The following MYLK3 variants were observed in gnomAD, a reference collection of about 807,000 sequenced individuals.
The protein encoded by MYLK3 is myosin light chain kinase 3.
A neutral mutation model predicts 76.3 loss-of-function variants in MYLK3; 55 were observed. The observed-to-expected ratio is 0.72, with a 90% CI of 0.58 to 0.90. MYLK3 has a LOEUF of 0.90. Among genes scored for constraint, MYLK3 ranks in the 40% least tolerant of loss-of-function variants. The pLI is 0.00. For missense variants in MYLK3, 973 were observed against 1,053.6 expected, an observed-to-expected ratio of 0.92 and a Z score of 1.06; for synonymous variants, 416 against 425.4, an observed-to-expected ratio of 0.98 and a Z score of 0.27.
At chr16:46,721,087 G>A in intron 9 of MYLK3, 36 bp downstream of exon 9, 1 of 1,585,362 alleles carries the variant, frequency 6.3e-7, no homozygotes, top group Non-Finnish European at 8.7e-7. Flanking sequence ...GAGTCCCAAG[G>A]AATTTTGTTA....
chr16:46,733,314 C>T (rs1240490242), intron 3 of MYLK3, among the ~76,000 whole-genome samples: 1 of 152,162 alleles, frequency 6.6e-6, no homozygotes, highest in Non-Finnish European at 1.5e-5. Flanking sequence ...ATGATCATAC[C>T]ACTGCACTCC....
chr16:46,750,974 C>G (rs1967117020), upstream of MYLK3, among the ~76,000 whole-genome samples: 1 of 152,122 alleles, frequency 6.6e-6, no homozygotes, highest in African/African-American at 2.4e-5. Flanking sequence ...GCCTGGGCAA[C>G]AAGAGTGAAA....
At chr16:46,729,316 T>A (rs1966847990) in intron 6 of MYLK3, among the ~76,000 whole-genome samples, 183 bp from the exon 7 acceptor site, 1 of 152,004 alleles carries the variant, frequency 6.6e-6, no homozygotes, top group Non-Finnish European at 1.5e-5. Flanking sequence ...TGTGACCCAC[T>A]CATCTCACAG....
Position 46,709,566 on chromosome 16 carries a change from C to A in MYLK3, c.2373G>T (p.Gln791His). The A allele has an allele frequency of 6.2e-7, 1 of 1,613,934 alleles. No individual in the cohort carries two copies. Among genetic ancestry groups the A allele is most frequent in the Non-Finnish European group, 8.5e-7 (1 of 1,180,004 alleles). Residue 791 changes from glutamine (Q) to histidine (H), a missense_variant, in exon 12 of 13, where the codon CAG becomes CAT. This residue lies in a region of MYLK3 where 332 missense variants were observed against 416.6 expected (regional missense o/e 0.80). Coordinates refer to ENST00000394809, the MANE Select transcript of MYLK3 (RefSeq NM_182493.3). ...TCCATTTTCTTTGAGCTATGTATTT[C>A]TGCAGCAGTAGTTGGGATTTGAGAC... Reference protein sequence around the residue: ...KTRLKSQLLLQKYIAQRKWKK... With the variant: ...KTRLKSQLLLHKYIAQRKWKK...
intron 1 of MYLK3, among the ~76,000 whole-genome samples, chr16:46,740,459 C>T (rs1266208800): frequency 6.6e-6 from 1 of 150,698 alleles, no homozygotes; most frequent in Non-Finnish European, 1.5e-5. Flanking sequence ...TCAAAATAGG[C>T]TGGACCCCAA....
At position 46,732,367 on chromosome 16, in the gene MYLK3, C is replaced by G. The variant is rs144566580; in HGVS notation, c.1303G>C (p.Asp435His). The change falls in exon 4 of 13, where the codon GAC becomes CAC. Residue 435 changes from aspartate (D) to histidine (H), a missense_variant. Asp to His is a moderately conservative substitution (Grantham distance 81). Around this residue, in one of 2 missense-constraint regions of MYLK3, gnomAD observed 641 missense variants for 637.0 expected, o/e 1.01. Transcript: ENST00000394809. Reference protein sequence around the residue: ...GTRPSLARSDDNDHEVGALGL... With the variant: ...GTRPSLARSDHNDHEVGALGL... ...AGGGCCCCAACCTCGTGGTCATTGT[C>G]GTCACTCCTGGCCAAGCTTGGTCTC... The G allele has an allele frequency of 5.3e-4, 852 of 1,613,620 alleles. 19 individuals are homozygous for G. The East Asian group carries it at 0.018, about 33-fold the overall frequency.
chr16:46,728,998 G>A (rs1453291615), intron 7 of MYLK3, 26 bp downstream of exon 7: 1 of 1,578,124 alleles, frequency 6.3e-7, no homozygotes, highest in Non-Finnish European at 8.7e-7. Flanking sequence ...TTGAGCCGAG[G>A]CGGCCGCCCC....
rs1359911648 is a variant in MYLK3 at position 46,743,392 on chromosome 16, G to A, written c.478-3245C>T. On this transcript the variant is annotated intron_variant, in intron 1 of 12. Transcript: ENST00000394809. Reference sequence around the variant, plus strand: ...TCCATAATGCACGGCGTTCAGCACTGACGATGTGTTTAGCAGCTGTGGCTG... The same window carrying A: ...TCCATAATGCACGGCGTTCAGCACTAACGATGTGTTTAGCAGCTGTGGCTG... Among the ~76,000 whole-genome samples the A allele has an allele frequency of 3.3e-5, 5 of 152,198 alleles. 1 individual carries two copies. Among genetic ancestry groups the A allele is most frequent in the African/African-American group, 1.2e-4 (5 of 41,448 alleles).
At chr16:46,725,573 T>C (rs1490142886) in intron 8 of MYLK3, among the ~76,000 whole-genome samples, 1 of 152,266 alleles carries the variant, frequency 6.6e-6, no homozygotes, top group African/African-American at 2.4e-5. Flanking sequence ...GCCCATTACG[T>C]TGGTTGATTT....
At chr16:46,755,509 T>C (rs1288565656) in intron 1 of MYLK3, among the ~76,000 whole-genome samples, 1 of 150,298 alleles carries the variant, frequency 6.7e-6, no homozygotes, top group Non-Finnish European at 1.5e-5. Flanking sequence ...AGGCCCAAAG[T>C]TGAAGCAAGA....
intron 8 of MYLK3, among the ~76,000 whole-genome samples, chr16:46,723,806 C>T (rs1966823189): frequency 6.6e-6 from 1 of 152,094 alleles, no homozygotes; most frequent in African/African-American, 2.4e-5. Context: ...TGTGCCACGA[C>T]ACCCAGATAA....
Position 46,760,538 on chromosome 16 carries a change from A to G in MYLK3, c.-114+2502T>C, listed in dbSNP as rs377060671. On this transcript the variant is annotated intron_variant, in intron 1 of 11. Transcript: ENST00000536476. ...AGGTTAACACATAGGAACAACAGAG[A>G]AAGTGGGACAGTCGCTAACTGCAAG... Among the ~76,000 whole-genome samples, 974 of 152,322 alleles carry G rather than the reference A, an allele frequency of 6.4e-3. 92 individuals carry two copies. The South Asian group carries it at 0.17, about 26-fold the overall frequency.
intron 1 of MYLK3, among the ~76,000 whole-genome samples, chr16:46,761,189 G>T (rs1397362842): frequency 6.6e-6 from 1 of 152,216 alleles, no homozygotes; most frequent in African/African-American, 2.4e-5. Flanking sequence ...GCAAAGCTCA[G>T]GTGGAGCCTG....
At chr16:46,730,487 C>CGA in intron 5 of MYLK3, 106 bp downstream of exon 5, 1 of 900,726 alleles carries the variant, frequency 1.1e-6, no homozygotes, top group Non-Finnish European at 1.8e-6. Context: ...TCCATCAGCT[C>CGA]GAGAGAGAGT....
In MYLK3 at chr16:46,729,605, C is replaced by A; in HGVS notation, c.1651G>T (p.Ala551Ser). 1 of 1,613,594 alleles carries A rather than the reference C, an allele frequency of 6.2e-7. No individual in the cohort carries two copies. Among genetic ancestry groups the A allele is most frequent in the South Asian group, 1.1e-5 (1 of 91,074 alleles). The change falls in exon 6 of 13, where the codon GCC becomes TCC. Residue 551 changes from alanine to serine, a missense_variant. Around this residue, in one of 2 missense-constraint regions of MYLK3, gnomAD observed 332 missense variants for 416.6 expected, o/e 0.80. Coordinates refer to ENST00000394809, the MANE Select transcript of MYLK3 (RefSeq NM_182493.3). Reference sequence around the variant, plus strand: ...GCCAGATGCCTCACCCGGTCCTTGGCGCTCTTCACTTTGATGATCTTGGCA... The same window carrying A: ...GCCAGATGCCTCACCCGGTCCTTGGAGCTCTTCACTTTGATGATCTTGGCA... The part of the protein sequence containing the change: ...LAAKIIKVKS[A>S]KDREDVKNEI...
chr16:46,748,169 G>T lies in MYLK3; in HGVS notation c.25C>A (p.Leu9Met), dbSNP rs1007600013. 1.2e-6 allele frequency: 2 copies of T among 1,613,776 alleles called. No individual in the cohort carries two copies. Among genetic ancestry groups the T allele is most frequent in the Non-Finnish European group, 1.7e-6 (2 of 1,179,826 alleles). The change falls in exon 1 of 13, where the codon CTG becomes ATG. Residue 9 changes from leucine to methionine, a missense_variant. By Grantham distance (15) the Leu-to-Met change is conservative. Transcript: ENST00000394809. This position sits in a 1 kb window ranked among gnomAD's most constrained non-coding sequence, Gnocchi z 4.3. MSGTSKES[L>M]GHGGLPGLGK... ...AACCCTGGCAGCCCCCCATGCCCCAGACTCTCCTTGGAGGTTCCTGACATG... is the reference window on the plus strand; with the variant it reads ...AACCCTGGCAGCCCCCCATGCCCCATACTCTCCTTGGAGGTTCCTGACATG...
chr16:46,707,797 AGCAT>A (rs1966641765), intron 12 of MYLK3, 34 bp from the exon 13 acceptor site: 1 of 1,545,188 alleles, frequency 6.5e-7, no homozygotes, highest in Non-Finnish European at 8.9e-7. Flanking sequence ...GAAAAGAAAA[AGCAT>A]GTATTTTAGA....
intron 8 of MYLK3, among the ~76,000 whole-genome samples, chr16:46,722,571 TATA>T (rs1186806090): frequency 1.3e-5 from 2 of 152,198 alleles, no homozygotes; most frequent in Non-Finnish European, 1.5e-5. Flanking sequence ...CCAATAAAAA[TATA>T]ATGTGAGCCA....
At chr16:46,730,896 A>C (rs1966851295) in intron 4 of MYLK3, among the ~76,000 whole-genome samples, 198 bp from the exon 5 acceptor site, 1 of 152,168 alleles carries the variant, frequency 6.6e-6, no homozygotes, top group Non-Finnish European at 1.5e-5. Flanking sequence ...ACAGCACTCA[A>C]ACCCAGGTCT....
Sources: gnomAD v4.1 joint callset for allele counts (sites outside exome capture counted in the v4.1 genomes callset) on GRCh38, gnomAD v4.1.1 for gene constraint, gnomAD v4.1.1 regional missense constraint, Gnocchi (gnomAD v3.1) non-coding constraint, MANE v1.5 for transcripts, NCBI Gene and HGNC (gene_info 2026-07-23, HGNC 2026-07-21) for gene names.